Variants in SAMD12 observed in about 807,000 individuals in gnomAD.
The protein encoded by SAMD12 is sterile alpha motif domain-containing protein 12.
SAMD12 carries 9 observed loss-of-function variants against 15.0 expected under a neutral mutation model. The observed-to-expected ratio is 0.60, with a 90% CI of 0.36 to 1.05. SAMD12 has a LOEUF of 1.05. Among genes scored for constraint, SAMD12 ranks in the 50% least tolerant of loss-of-function variants. SAMD12 has a pLI of 0.01. For missense variants in SAMD12, 230 were observed against 234.2 expected (o/e 0.98, Z 0.12); for synonymous variants, 86 against 90.1 (o/e 0.96, Z 0.25).
chr8:118,476,068 A>C (rs570920779), intron 2 of SAMD12, among the ~76,000 whole-genome samples: 1 of 152,318 alleles, frequency 6.6e-6, no homozygotes, highest in East Asian at 1.9e-4. Context: ...GGGTTTGCAA[A>C]GGCTGTGCTT....
At chr8:118,416,977 G>A (rs1006020039) in intron 3 of SAMD12, among the ~76,000 whole-genome samples, 3 of 151,926 alleles carry the variant, frequency 2.0e-5, no homozygotes, top group Non-Finnish European at 4.4e-5. Context: ...ACATCACCCC[G>A]GTTTTTAATT....
At chr8:118,393,657 G>A (rs1820407789) in intron 3 of SAMD12, among the ~76,000 whole-genome samples, 1 of 151,750 alleles carries the variant, frequency 6.6e-6, no homozygotes, top group Non-Finnish European at 1.5e-5. Context: ...GGAGTGCAGG[G>A]ATGCAATCTT....
At chr8:118,369,805 A>T (rs923879340) in intron 4 of SAMD12, among the ~76,000 whole-genome samples, 1 of 152,168 alleles carries the variant, frequency 6.6e-6, no homozygotes, top group Non-Finnish European at 1.5e-5. Context: ...TAAAATCCCA[A>T]ACTACAAAAA....
chr8:118,457,011 T>C lies in SAMD12; in HGVS notation c.193-17050A>G, dbSNP rs955161016. ...ATTTCTCTAAGCCTCTGCTTCACCA[T>C]CAAGATAAAGGGGATAAATACATTT... On this transcript the variant is annotated intron_variant, in intron 2 of 3. Coordinates refer to ENST00000314727, the MANE Select transcript of SAMD12 (RefSeq NM_207506.3). Among the ~76,000 whole-genome samples the C allele has an allele frequency of 2.0e-5, 3 of 152,110 alleles. No individual in the cohort carries two copies. In the East Asian group the frequency reaches 5.8e-4, roughly 29 times the overall value.
At chr8:118,465,551 C>T (rs980717571) in intron 2 of SAMD12, among the ~76,000 whole-genome samples, 15 of 152,102 alleles carry the variant, frequency 9.9e-5, no homozygotes, top group African/African-American at 3.4e-4. Flanking sequence ...TATATGACTT[C>T]GGACACACAC....
chr8:118,427,210 A>G (rs1299074513), intron 3 of SAMD12, among the ~76,000 whole-genome samples: 1 of 152,182 alleles, frequency 6.6e-6, no homozygotes, highest in Non-Finnish European at 1.5e-5. Context: ...CCATCCATCT[A>G]TCCATCTTTA....
the SAMD12 span, among the ~76,000 whole-genome samples, chr8:118,135,481 A>C: frequency 6.6e-6 from 1 of 151,990 alleles, no homozygotes; most frequent in African/African-American, 2.4e-5. Flanking sequence ...TGCCTGGCCT[A>C]TCAGGTAGAT....
intron 4 of SAMD12, among the ~76,000 whole-genome samples, chr8:118,308,485 A>G (rs1303848320): frequency 6.6e-6 from 1 of 152,194 alleles, no homozygotes; most frequent in East Asian, 1.9e-4. Flanking sequence ...AATTTCAGAA[A>G]TTAAGTAATT....
chr8:118,493,525 C>G (rs1461622465), intron 2 of SAMD12, among the ~76,000 whole-genome samples: 1 of 152,130 alleles, frequency 6.6e-6, no homozygotes, highest in Non-Finnish European at 1.5e-5. Context: ...ATGTTCTATC[C>G]CTTAAAATCT....
At chr8:118,132,982 ATATATATATATATATATAT>A in the SAMD12 span, among the ~76,000 whole-genome samples, 1 of 29,502 alleles carries the variant, frequency 3.4e-5, no homozygotes, top group African/African-American at 1.3e-4. Flanking sequence ...GTATATATAT[ATATATATATATATATATAT>A]ATATATATAT....
In SAMD12 at chr8:118,395,256, C is replaced by T. The variant is rs184204008; in HGVS notation, c.323-15556G>A. ...ATGCCAATTTATATTTACAAACACT[C>T]GCATGAATGCCAAAGCCTATGTACC... On this transcript the variant is annotated intron_variant, in intron 3 of 3. Coordinates refer to ENST00000314727, the MANE Select transcript of SAMD12 (RefSeq NM_207506.3). Among the ~76,000 whole-genome samples the T allele has an allele frequency of 8.5e-5, 13 of 152,254 alleles. No homozygotes were observed. In the East Asian group the frequency reaches 1.9e-3, roughly 23 times the overall value.
intron 4 of SAMD12, among the ~76,000 whole-genome samples, chr8:118,208,998 A>G (rs1819944282): frequency 6.6e-6 from 1 of 152,238 alleles, no homozygotes; most frequent in African/African-American, 2.4e-5. Context: ...CTTCATAAAC[A>G]TTCTGAAGTG....
chr8:118,351,137 TA>T (rs1174547250), intron 4 of SAMD12, among the ~76,000 whole-genome samples: 1 of 152,326 alleles, frequency 6.6e-6, no homozygotes, highest in East Asian at 1.9e-4. Flanking sequence ...AATATTAATG[TA>T]AAAAGATGCT....
chr8:118,286,131 C>A (rs1294915297), intron 4 of SAMD12, among the ~76,000 whole-genome samples: 1 of 139,528 alleles, frequency 7.2e-6, no homozygotes, highest in Non-Finnish European at 1.5e-5. Context: ...AACACTTGGA[C>A]ACAGGAAGGG....
chr8:118,426,057 A>G (rs1822225806), intron 3 of SAMD12, among the ~76,000 whole-genome samples: 1 of 152,230 alleles, frequency 6.6e-6, no homozygotes, highest in Non-Finnish European at 1.5e-5. Flanking sequence ...TCACGATGCC[A>G]TGCTTTTCTA....
chr8:118,460,970 C>G, intron 2 of SAMD12, among the ~76,000 whole-genome samples: 1 of 152,204 alleles, frequency 6.6e-6, no homozygotes. Context: ...ATGCCTGCCC[C>G]TTTTCTGCCT....
rs751270445 is a variant in SAMD12, at chr8:118,379,606, C to G, written c.417G>C (p.Gln139His). The change falls in exon 4 of 4, where the codon CAG becomes CAC. Residue 139 changes from glutamine (Q) to histidine (H), a missense_variant. Gln to His is a conservative substitution (Grantham distance 24). Coordinates refer to ENST00000314727, the MANE Select transcript of SAMD12 (RefSeq NM_207506.3). ...TTCTGACTTCTTCTCGCACCTTCAG[C>G]TGGAGCACCTGTTGTAAGATGTGCT... Reference protein sequence around the residue: ...LRQHILQQVLQLKVREEVRNL... With the variant: ...LRQHILQQVLHLKVREEVRNL... 2 of 1,613,990 alleles carry G rather than the reference C, an allele frequency of 1.2e-6. No homozygotes were observed. The highest frequency in any genetic ancestry group is 1.1e-5 in the South Asian group (1 of 91,086).
intron 2 of SAMD12, among the ~76,000 whole-genome samples, chr8:118,473,368 T>C (rs1343853530): frequency 2.6e-5 from 4 of 152,200 alleles, no homozygotes; most frequent in Non-Finnish European, 5.9e-5. Flanking sequence ...GCCTTAGTAA[T>C]AGAGAATCTA....
At chr8:118,354,823 G>C (rs1645881732) in intron 4 of SAMD12, among the ~76,000 whole-genome samples, 1 of 152,202 alleles carries the variant, frequency 6.6e-6, no homozygotes, top group African/African-American at 2.4e-5. Flanking sequence ...CACATTTGCA[G>C]AGTCCAGAAA....
Sources: gnomAD v4.1 joint callset for allele counts (sites outside exome capture counted in the v4.1 genomes callset) on GRCh38, gnomAD v4.1.1 for gene constraint, MANE v1.5 for transcripts, NCBI Gene and HGNC (gene_info 2026-07-23, HGNC 2026-07-21) for gene names.